KDM5A: variants seen among roughly 807,000 people sequenced by gnomAD.
KDM5A encodes the protein lysine-specific demethylase 5A.
KDM5A carries 42 observed loss-of-function variants against 193.5 expected under a neutral mutation model. The ratio of observed to expected loss-of-function variants is 0.22; its 90% CI spans 0.17 to 0.28. The LOEUF (loss-of-function observed/expected upper bound fraction) is 0.28. KDM5A is among the 10% of genes least tolerant of loss of function. The pLI is 1.00. For missense variants in KDM5A, 1,692 were observed against 2,055.1 expected (o/e 0.82, Z 3.42); for synonymous variants, 796 against 718.1 (o/e 1.11, Z -1.73).
At chr12:372,513 A>G (rs1017882653) in intron 3 of KDM5A, among the ~76,000 whole-genome samples, 5 of 152,134 alleles carry the variant, frequency 3.3e-5, no homozygotes, top group Admixed American at 3.3e-4. Flanking sequence ...GGGTTTTCTA[A>G]ATATACAGTC....
rs3038312 is a variant in KDM5A at position 305,969 on chromosome 12, G to GTTTTTTTT, written c.4074+969_4074+976dup. On this transcript the variant is annotated intron_variant, in intron 24 of 27. Coordinates refer to ENST00000399788, the MANE Select transcript of KDM5A (RefSeq NM_001042603.3). ...AGCAAAAGACTCTAGCAATGGAAGT[G>GTTTTTTTT]TTTTTTTTTTTTTTTTTTTTTTGAG... is the stretch of plus-strand genomic sequence containing the variant. Among the ~76,000 whole-genome samples the GTTTTTTTT allele has an allele frequency of 1.4e-4, 15 of 104,212 alleles. 1 individual carries two copies. Among genetic ancestry groups the GTTTTTTTT allele is most frequent in the African/African-American group, 3.5e-4 (9 of 25,578 alleles). 68.4% of individuals were successfully genotyped at this position (104,212 alleles called of 152,430 possible). A position where few individuals can be genotyped will look rare whatever the true frequency, so the allele number is the denominator to read the frequency against.
At chr12:387,329 G>A (rs1207823638) in intron 1 of KDM5A, 4 of 303,436 alleles carry the variant, frequency 1.3e-5, no homozygotes, top group South Asian at 5.2e-5. Flanking sequence ...GTGACATAAA[G>A]AGAAAGCATT....
At chr12:367,207 TCA>T (rs1274485728) in intron 3 of KDM5A, among the ~76,000 whole-genome samples, 1 of 152,142 alleles carries the variant, frequency 6.6e-6, no homozygotes, top group Non-Finnish European at 1.5e-5. Context: ...GTGTTCAAAC[TCA>T]GTTTCTCCTA....
At chr12:304,038 C>A (rs1229426582) in intron 24 of KDM5A, among the ~76,000 whole-genome samples, 1 of 152,162 alleles carries the variant, frequency 6.6e-6, no homozygotes, top group Non-Finnish European at 1.5e-5. Context: ...CTCATTGTTA[C>A]ACTTAAAGTC....
At chr12:337,874 C>T (rs1160505263) in intron 10 of KDM5A, among the ~76,000 whole-genome samples, 4 of 152,080 alleles carry the variant, frequency 2.6e-5, no homozygotes, top group African/African-American at 9.7e-5. Context: ...AACTGCTGAC[C>T]TCAAGTGATC....
rs79140791 is a variant in KDM5A, at chr12:326,197, C to T, written c.1969-2416G>A. 5.2e-3 allele frequency among the ~76,000 whole-genome samples: 786 copies of T among 152,312 alleles called. 12 individuals are homozygous for T. The highest frequency in any genetic ancestry group is 0.018 in the African/African-American group (742 of 41,570). On this transcript the variant is annotated intron_variant, in intron 14 of 27. Coordinates refer to ENST00000399788, the MANE Select transcript of KDM5A (RefSeq NM_001042603.3). ...AAAATCTAAATAGAAATGTGCAATA[C>T]ACATGTTGGAAACACAGATTACAAA...
At chr12:364,030 T>A (rs182425117) in intron 4 of KDM5A, among the ~76,000 whole-genome samples, 1 of 152,216 alleles carries the variant, frequency 6.6e-6, no homozygotes. Flanking sequence ...CAATAAGGTA[T>A]CACTATACAA....
At chr12:287,686 T>A (rs1337426300) in intron 27 of KDM5A, among the ~76,000 whole-genome samples, 1 of 152,070 alleles carries the variant, frequency 6.6e-6, no homozygotes, top group African/African-American at 2.4e-5. Context: ...AGGTTTGAGA[T>A]ACCATGCTTT....
intron 3 of KDM5A, among the ~76,000 whole-genome samples, chr12:369,843 A>G (rs1944404027): frequency 6.6e-6 from 1 of 152,238 alleles, no homozygotes; most frequent in Non-Finnish European, 1.5e-5. Context: ...CTTTGTATTC[A>G]AAGCATTTCA....
chr12:290,756 A>C (rs1012087001), intron 27 of KDM5A, among the ~76,000 whole-genome samples: 5 of 152,232 alleles, frequency 3.3e-5, no homozygotes, highest in African/African-American at 1.2e-4. Context: ...TGCTATAAGA[A>C]GACAACAGGA....
In KDM5A at chr12:389,241, T is replaced by C. The variant is rs1293701870; in HGVS notation, c.-150A>G. 3.8e-6 allele frequency: 3 copies of C among 791,608 alleles called. No individual in the cohort carries two copies. Among genetic ancestry groups the C allele is most frequent in the South Asian group, 2.8e-5 (2 of 71,320 alleles). 49.0% of individuals were successfully genotyped at this position (791,608 alleles called of 1,614,324 possible). A position where few individuals can be genotyped will look rare whatever the true frequency, so the allele number is the denominator to read the frequency against. ...TTCAACACAGAAACCCCAGAATCGCTTCCTCCTCCCGTTTGTTATTGTTTC... is the reference window on the plus strand; with the variant it reads ...TTCAACACAGAAACCCCAGAATCGCCTCCTCCTCCCGTTTGTTATTGTTTC... On this transcript the variant is annotated 5_prime_UTR_variant, in exon 1 of 28. Coordinates refer to ENST00000399788, the MANE Select transcript of KDM5A (RefSeq NM_001042603.3).
intron 2 of KDM5A, among the ~76,000 whole-genome samples, chr12:385,645 G>A (rs1230410786): frequency 6.6e-6 from 1 of 152,138 alleles, no homozygotes; most frequent in Non-Finnish European, 1.5e-5. Context: ...AAACACTAGA[G>A]AAAGTAGAAT....
intron 5 of KDM5A, among the ~76,000 whole-genome samples, chr12:358,505 G>C (rs1325424880): frequency 1.3e-5 from 2 of 152,156 alleles, no homozygotes; most frequent in African/African-American, 4.8e-5. Flanking sequence ...GATATATGTT[G>C]AGTAAATAGT....
rs1274302234 is a variant in KDM5A, at chr12:370,549, C to T, written c.367-4445G>A. On this transcript the variant is annotated intron_variant, in intron 3 of 27. Transcript: ENST00000399788. ...TGAATTGAACACAATGAAGACAAGCCGTTTATCAAAACTTGACCAAAAAGT... is the reference window on the plus strand; with the variant it reads ...TGAATTGAACACAATGAAGACAAGCTGTTTATCAAAACTTGACCAAAAAGT... Among the ~76,000 whole-genome samples, 3 of 151,980 alleles carry T rather than the reference C, an allele frequency of 2.0e-5. 1 individual carries two copies. Among genetic ancestry groups the T allele is most frequent in the South Asian group, 2.1e-4 (1 of 4,812 alleles).
intron 5 of KDM5A, among the ~76,000 whole-genome samples, chr12:361,622 G>C (rs1350540382): frequency 6.6e-6 from 1 of 152,056 alleles, no homozygotes; most frequent in Non-Finnish European, 1.5e-5. Context: ...GAGCAATTGG[G>C]GCAACTCTTC....
intron 24 of KDM5A, among the ~76,000 whole-genome samples, chr12:300,341 C>A (rs550665678): frequency 7.2e-5 from 11 of 152,244 alleles, no homozygotes; most frequent in Admixed American, 5.2e-4. Context: ...GTCTCTCAGA[C>A]CACAGTGCAA....
intron 9 of KDM5A, among the ~76,000 whole-genome samples, 164 bp downstream of exon 9, chr12:352,041 T>A (rs1447554645): frequency 7.5e-6 from 1 of 133,704 alleles, no homozygotes; most frequent in Non-Finnish European, 1.5e-5. Flanking sequence ...GAGGCAGAGG[T>A]TGCAGTGAGC....
At chr12:361,122 AAT>A (rs1944288920) in intron 5 of KDM5A, among the ~76,000 whole-genome samples, 1 of 152,252 alleles carries the variant, frequency 6.6e-6, no homozygotes, top group African/African-American at 2.4e-5. Flanking sequence ...CAAATCCTGA[AAT>A]AGTTTATCAA....
chr12:375,636 C>CG (rs1215953576), intron 3 of KDM5A, among the ~76,000 whole-genome samples: 3 of 152,260 alleles, frequency 2.0e-5, no homozygotes, highest in East Asian at 1.9e-4. Flanking sequence ...GTTCCTTTGG[C>CG]GGGGGAGAGG....
Sources: gnomAD v4.1 joint callset for allele counts (sites outside exome capture counted in the v4.1 genomes callset) on GRCh38, gnomAD v4.1.1 for gene constraint, MANE v1.5 for transcripts, NCBI Gene and HGNC (gene_info 2026-07-23, HGNC 2026-07-21) for gene names.